The following PCP2 variants were observed in gnomAD, a reference collection of about 807,000 sequenced individuals.
PCP2 encodes Purkinje cell protein 2, also known as Purkinje cell protein 2 homolog.
Under a neutral mutation model 18.3 loss-of-function variants are expected in PCP2, and 21 were observed. That is an observed-to-expected ratio of 1.14 (90% confidence interval 0.81 to 1.65). The LOEUF is 1.65. PCP2 is among the 40% of genes most tolerant of loss of function. The pLI, the probability that PCP2 is intolerant of heterozygous loss-of-function variation, is 0.00. For missense variants in PCP2, 202 were observed against 201.8 expected (o/e 1.00, Z 0.00); for synonymous variants, 85 against 77.6 (o/e 1.10, Z -0.50).
chr19:7,634,340 G>A (rs117655093), upstream of PCP2, among the ~76,000 whole-genome samples: 1,280 of 152,262 alleles, frequency 8.4e-3, 8 homozygotes, highest in Non-Finnish European at 0.012. Context: ...ACCAGTGGAA[G>A]TTTCATCTCA....
chr19:7,635,991 C>T (rs114177701), upstream of PCP2, among the ~76,000 whole-genome samples: 1,871 of 152,266 alleles, frequency 0.012, 36 homozygotes, highest in African/African-American at 0.042. Context: ...TTCTAGAATC[C>T]ATTTAGGGAT....
chr19:7,632,183 G>A lies in PCP2; in HGVS notation c.291+210C>T, dbSNP rs867454131. The A allele has an allele frequency of 7.0e-5, 54 of 767,352 alleles. No homozygotes were observed. The highest frequency in any genetic ancestry group is 4.1e-4 in the South Asian group (21 of 51,072). 47.5% of individuals were successfully genotyped at this position (767,352 alleles called of 1,614,324 possible). ...TCAGACTTGGGGGCAGGAGCCACAA[G>A]TTCCAGCCATGGGTCTTACACTAGC... On this transcript the variant is annotated intron_variant, in intron 3 of 3. Coordinates refer to ENST00000311069, the MANE Select transcript of PCP2 (RefSeq NM_174895.3). The surrounding 1 kb of genome is among the most constrained non-coding windows in gnomAD (Gnocchi z 5.2).
rs765373529 is a variant in PCP2 at position 7,631,656 on chromosome 19, G to T, written c.*33C>A. On this transcript the variant is annotated 3_prime_UTR_variant, in exon 4 of 4. Transcript: ENST00000311069. ...TGTTTTATTCTTTTATCAGTTTTTG[G>T]GGGCCGAGTGAGACCCAGGATGCCT... 1 of 1,457,474 alleles carries T rather than the reference G, an allele frequency of 6.9e-7. No homozygotes were observed. Among genetic ancestry groups the T allele is most frequent in the South Asian group, 1.4e-5 (1 of 69,138 alleles). The allele number at this position is 1,457,474 out of a possible 1,614,324, so 90.3% of individuals were successfully genotyped here.
intron 1 of PCP2, 69 bp downstream of exon 1, chr19:7,633,338 A>C: frequency 1.4e-6 from 2 of 1,443,666 alleles, no homozygotes; most frequent in South Asian, 2.5e-5. Context: ...GTGCCCTACA[A>C]ACTAGTCTTG....
upstream of PCP2, among the ~76,000 whole-genome samples, chr19:7,634,453 C>T (rs1332039554): frequency 6.6e-6 from 1 of 152,240 alleles, no homozygotes; most frequent in Non-Finnish European, 1.5e-5. Context: ...GTGTCCCCCT[C>T]CTCAGTACGT....
Position 7,632,255 on chromosome 19 carries a change from T to C in PCP2, c.291+138A>G. ...GCCCCTCTAGCCACTGCCTGGGCCT[T>C]GGTCCTCCCATCTGAAGTCAGGGCA... is the stretch of plus-strand genomic sequence containing the variant. On this transcript the variant is annotated intron_variant, in intron 3 of 3. Transcript: ENST00000311069. The surrounding 1 kb of genome is among the most constrained non-coding windows in gnomAD (Gnocchi z 5.2). 1 of 1,340,482 alleles carries C rather than the reference T, an allele frequency of 7.5e-7. No individual in the cohort carries two copies. The allele number at this position is 1,340,482 out of a possible 1,614,324, so 83.0% of individuals were successfully genotyped here. A position where few individuals can be genotyped will look rare whatever the true frequency, so the allele number is the denominator to read the frequency against.
At chr19:7,633,353 T>C (rs2031411749) in intron 1 of PCP2, 54 bp downstream of exon 1, 1 of 1,511,286 alleles carries the variant, frequency 6.6e-7, no homozygotes, top group Admixed American at 2.0e-5. Flanking sequence ...GTCTTGTCAA[T>C]CATGGGCTCT....
upstream of PCP2, among the ~76,000 whole-genome samples, chr19:7,634,926 C>A (rs577082555): frequency 1.9e-4 from 29 of 152,308 alleles, no homozygotes; most frequent in African/African-American, 6.7e-4. Flanking sequence ...CCCCACCCCC[C>A]CAACCACCTA....
Position 7,633,288 on chromosome 19 carries a change from A to T in PCP2, c.51+119T>A, listed in dbSNP as rs748516688. Reference sequence around the variant, plus strand: ...CCACCAGCCCCTTTCTACAGCCACAACTGGGTCAGGGGGTCCTAGGAGACT... The same window carrying T: ...CCACCAGCCCCTTTCTACAGCCACATCTGGGTCAGGGGGTCCTAGGAGACT... On this transcript the variant is annotated intron_variant, in intron 1 of 3. Transcript: ENST00000311069. 18 of 1,067,026 alleles carry T rather than the reference A, an allele frequency of 1.7e-5. No homozygotes were observed. In the Admixed American group the frequency reaches 3.3e-4, roughly 19 times the overall value. The allele number at this position is 1,067,026 out of a possible 1,614,324, so 66.1% of individuals were successfully genotyped here.
chr19:7,636,119 C>T (rs115211884), upstream of PCP2, among the ~76,000 whole-genome samples: 1,424 of 152,298 alleles, frequency 9.4e-3, 24 homozygotes, highest in African/African-American at 0.031. Context: ...TTTAGGGCAG[C>T]ATGGATCCTT....
At chr19:7,631,923 C>T (rs535740740) in intron 3 of PCP2, 115 bp from the exon 4 acceptor site, 2 of 1,088,736 alleles carry the variant, frequency 1.8e-6, no homozygotes, top group East Asian at 5.8e-5. Context: ...ATTGTGAGCA[C>T]TGGTCTATGT....
At chr19:7,636,995 T>A, upstream of PCP2, 15 of 816,314 alleles carry the variant, frequency 1.8e-5, no homozygotes, top group East Asian at 3.8e-5. Flanking sequence ...GGGACTCAAC[T>A]TCCTGGGCCT....
upstream of PCP2, among the ~76,000 whole-genome samples, chr19:7,635,552 C>T (rs117067483): frequency 0.018 from 2,748 of 152,178 alleles, 132 homozygotes; most frequent in Admixed American, 0.11. Context: ...CAAAATCAAC[C>T]GGGCACGGTG....
In PCP2 at chr19:7,633,556, C is replaced by T; in HGVS notation, c.-99G>A. 1 of 1,198,140 alleles carries T rather than the reference C, an allele frequency of 8.3e-7. No homozygotes were observed. The highest frequency in any genetic ancestry group is 1.2e-6 in the Non-Finnish European group (1 of 834,724). The allele number at this position is 1,198,140 out of a possible 1,614,324, so 74.2% of individuals were successfully genotyped here. A position where few individuals can be genotyped will look rare whatever the true frequency, so the allele number is the denominator to read the frequency against. On this transcript the variant is annotated 5_prime_UTR_variant, in exon 1 of 4. The change abolishes an upstream ATG in the 5' untranslated region. Coordinates refer to ENST00000311069, the MANE Select transcript of PCP2 (RefSeq NM_174895.3). ...AGGACGTGGGGGTGTGGATTCCCCC[C>T]ATCCCCAAATCCCCAGCTCATGCCC...
At chr19:7,637,005 T>TG, upstream of PCP2, 1 of 936,102 alleles carries the variant, frequency 1.1e-6, no homozygotes, top group Non-Finnish European at 1.4e-6. Flanking sequence ...TTCCTGGGCC[T>TG]GGGCGAGAAC....
chr19:7,633,767 A>G (rs1862515), upstream of PCP2: 120,605 of 404,314 alleles, frequency 0.3, 19,466 homozygotes, highest in Non-Finnish European at 0.34. Context: ...CCTGAGCAGC[A>G]TCCCCACAGT....
In PCP2 at chr19:7,632,690, G is replaced by A; in HGVS notation, c.166+26C>T. On this transcript the variant is annotated intron_variant, in intron 2 of 3. Coordinates refer to ENST00000311069, the MANE Select transcript of PCP2 (RefSeq NM_174895.3). This position sits in a 1 kb window ranked among gnomAD's most constrained non-coding sequence, Gnocchi z 5.2. ...ACTCCCACCCCGTTCACGCCCCATG[G>A]ACAGCACCCCCGTGCCCATGCTCAC... is the stretch of plus-strand genomic sequence containing the variant. 6.5e-7 allele frequency: 1 copy of A among 1,549,660 alleles called. No individual in the cohort carries two copies. The highest frequency in any genetic ancestry group is 8.7e-7 in the Non-Finnish European group (1 of 1,152,662).
At chr19:7,633,337 A>T in intron 1 of PCP2, 70 bp downstream of exon 1, 1 of 1,155,620 alleles carries the variant, frequency 8.7e-7, no homozygotes, top group Middle Eastern at 2.0e-4. Context: ...GGTGCCCTAC[A>T]AACTAGTCTT....
chr19:7,632,646 A>G lies in PCP2; in HGVS notation c.166+70T>C. 1.9e-6 allele frequency: 3 copies of G among 1,564,894 alleles called. No individual in the cohort carries two copies. The highest frequency in any genetic ancestry group is 2.6e-6 in the Non-Finnish European group (3 of 1,158,620). On this transcript the variant is annotated intron_variant, in intron 2 of 3. Transcript: ENST00000311069. This position sits in a 1 kb window ranked among gnomAD's most constrained non-coding sequence, Gnocchi z 5.2. ...CACATCCCGTGCCCCCAGGCCCTCCAGATGACCACTTGCCCTGCACTCCCA... is the reference window on the plus strand; with the variant it reads ...CACATCCCGTGCCCCCAGGCCCTCCGGATGACCACTTGCCCTGCACTCCCA...
Sources: gnomAD v4.1 joint callset for allele counts (sites outside exome capture counted in the v4.1 genomes callset) on GRCh38, gnomAD v4.1.1 for gene constraint, Gnocchi (gnomAD v3.1) non-coding constraint, MANE v1.5 for transcripts, NCBI Gene and HGNC (gene_info 2026-07-23, HGNC 2026-07-21) for gene names.